Variants in HSD17B2 observed in about 807,000 individuals in gnomAD.
The protein encoded by HSD17B2 is hydroxysteroid 17-beta dehydrogenase 2.
HSD17B2 carries 32 observed loss-of-function variants against 26.9 expected under a neutral mutation model. The ratio of observed to expected loss-of-function variants is 1.19; its 90% CI spans 0.90 to 1.60. The LOEUF (loss-of-function observed/expected upper bound fraction) is 1.60, where lower values mean the gene tolerates loss of function less well. HSD17B2 is among the 40% of genes most tolerant of loss of function. The probability of loss-of-function intolerance (pLI) is 0.00; values close to 1 mark genes in which losing one functional copy is unlikely to be tolerated. For missense variants in HSD17B2, 613 were observed against 468.6 expected (o/e 1.31, Z -2.85); for synonymous variants, 246 against 186.7 (o/e 1.32, Z -2.59).
intron 3 of HSD17B2, among the ~76,000 whole-genome samples, chr16:82,078,878 TAGTGG>T (rs1313997389): frequency 6.6e-6 from 1 of 151,828 alleles, no homozygotes; most frequent in Non-Finnish European, 1.5e-5. Context: ...CTGGGAAGAG[TAGTGG>T]AGAGGACTAA....
In HSD17B2 at chr16:82,071,156, G is replaced by A. The variant is rs1222511592; in HGVS notation, c.664+29G>A. ...AGTCAGCATTTTCACACATGGTCATGGGGTGCCCATCACAAGACATGGCTC... is the reference window on the plus strand; with the variant it reads ...AGTCAGCATTTTCACACATGGTCATAGGGTGCCCATCACAAGACATGGCTC... On this transcript the variant is annotated intron_variant, in intron 3 of 4. Coordinates refer to ENST00000199936, the MANE Select transcript of HSD17B2 (RefSeq NM_002153.3). 8 of 1,603,958 alleles carry A rather than the reference G, an allele frequency of 5.0e-6. No individual in the cohort carries two copies. In the African/African-American group the frequency reaches 8.0e-5, roughly 16 times the overall value.
chr16:82,054,126 C>T (rs1363532987), intron 1 of HSD17B2, among the ~76,000 whole-genome samples: 4 of 150,696 alleles, frequency 2.7e-5, no homozygotes, highest in Non-Finnish European at 5.9e-5. Context: ...GATGAACTCT[C>T]ATCTCTCATT....
chr16:82,047,531 G>C (rs569429997), intron 1 of HSD17B2, among the ~76,000 whole-genome samples: 6 of 152,320 alleles, frequency 3.9e-5, no homozygotes, highest in African/African-American at 1.2e-4. Context: ...CAAGAAGCCA[G>C]TATATTGCAG....
chr16:82,049,527 T>G (rs1914041551), intron 1 of HSD17B2, among the ~76,000 whole-genome samples: 1 of 152,220 alleles, frequency 6.6e-6, no homozygotes, highest in Admixed American at 6.5e-5. Flanking sequence ...TATCTCCTGC[T>G]TTGAGTACAA....
Position 82,035,452 on chromosome 16 carries a change from T to A in HSD17B2, c.28T>A (p.Trp10Arg), listed in dbSNP as rs764508648. Reference sequence around the variant, plus strand: ...GAGCACTTTCTTCTCGGACACAGCATGGATCTGCCTGGCTGTCCCCACAGT... The same window carrying A: ...GAGCACTTTCTTCTCGGACACAGCAAGGATCTGCCTGGCTGTCCCCACAGT... MSTFFSDTAWICLAVPTVLC... is the reference protein window; with the variant it reads MSTFFSDTARICLAVPTVLC... Residue 10 changes from tryptophan to arginine, a missense_variant, in exon 1 of 5, where the codon TGG becomes AGG. By Grantham distance (101) the Trp-to-Arg change is moderately radical. Coordinates refer to ENST00000199936, the MANE Select transcript of HSD17B2 (RefSeq NM_002153.3). 1 of 1,613,550 alleles carries A rather than the reference T, an allele frequency of 6.2e-7. No homozygotes were observed. Among genetic ancestry groups the A allele is most frequent in the East Asian group, 2.2e-5 (1 of 44,872 alleles).
rs35003963 is a variant in HSD17B2 at position 82,088,774 on chromosome 16, TGA to T, written c.665-2124_665-2123del. On this transcript the variant is annotated intron_variant, in intron 3 of 4. Transcript: ENST00000199936. ...TCTGTGGCAAGATTAACCAGTTTAATGAGAGTCTGCTTGATGCCAGACATCGT... is the reference window on the plus strand; with the variant it reads ...TCTGTGGCAAGATTAACCAGTTTAATGAGTCTGCTTGATGCCAGACATCGT... 8.9e-3 allele frequency among the ~76,000 whole-genome samples: 1,359 copies of T among 152,326 alleles called. 20 individuals carry two copies. Among genetic ancestry groups the T allele is most frequent in the African/African-American group, 0.032 (1,314 of 41,570 alleles).
At chr16:82,096,125 T>G (rs1285267358) in intron 4 of HSD17B2, 1 of 152,174 alleles carries the variant, frequency 6.6e-6, no homozygotes, top group Non-Finnish European at 1.5e-5. Context: ...GTATTAAAAT[T>G]TATGTGTGAA....
intron 1 of HSD17B2, among the ~76,000 whole-genome samples, chr16:82,065,367 G>A (rs1914546746): frequency 6.6e-6 from 1 of 152,144 alleles, no homozygotes; most frequent in African/African-American, 2.4e-5. Context: ...GTAGAGTCAA[G>A]GTCATGGTGT....
intron 3 of HSD17B2, among the ~76,000 whole-genome samples, chr16:82,087,632 T>G (rs999351063): frequency 6.6e-6 from 1 of 152,240 alleles, no homozygotes; most frequent in African/African-American, 2.4e-5. Context: ...TATGATCTAC[T>G]GTCAACAAAC....
At chr16:82,087,769 T>C (rs1225593466) in intron 3 of HSD17B2, among the ~76,000 whole-genome samples, 1 of 151,892 alleles carries the variant, frequency 6.6e-6, no homozygotes, top group Non-Finnish European at 1.5e-5. Flanking sequence ...ATCAAAGGGG[T>C]GGCATCTTGT....
chr16:82,090,941 C>CT lies in HSD17B2; in HGVS notation c.704_705insT (p.Ala237GlyfsTer20). On this transcript the variant is annotated frameshift_variant, in exon 4 of 5. Coordinates refer to ENST00000199936, the MANE Select transcript of HSD17B2 (RefSeq NM_002153.3). LOFTEE classifies it high-confidence loss of function. Reference sequence around the variant, plus strand: ...GAAAGGCTGGCATCTTATGGCTCATCAAAGGCGGCTGTGACCATGTTCTCA... The same window carrying CT: ...GAAAGGCTGGCATCTTATGGCTCATCTAAAGGCGGCTGTGACCATGTTCTCA... 17 of 1,613,966 alleles carry CT rather than the reference C, an allele frequency of 1.1e-5. No individual in the cohort carries two copies. Among genetic ancestry groups the CT allele is most frequent in the Non-Finnish European group, 1.4e-5 (17 of 1,179,894 alleles).
At chr16:82,057,284 C>T (rs1914299173) in intron 1 of HSD17B2, among the ~76,000 whole-genome samples, 1 of 151,886 alleles carries the variant, frequency 6.6e-6, no homozygotes. Context: ...CTGCAAGCTC[C>T]GCCTCCTGGG....
At chr16:82,054,983 T>G (rs142204487) in intron 1 of HSD17B2, among the ~76,000 whole-genome samples, 2 of 152,336 alleles carry the variant, frequency 1.3e-5, no homozygotes, top group South Asian at 4.1e-4. Flanking sequence ...ATGGTTCTTT[T>G]TGGTGGGGTC....
At chr16:82,059,103 C>A (rs1305161259) in intron 1 of HSD17B2, among the ~76,000 whole-genome samples, 2 of 152,116 alleles carry the variant, frequency 1.3e-5, no homozygotes, top group African/African-American at 4.8e-5. Context: ...AATGAGTGTT[C>A]CCTTAAGGAG....
intron 1 of HSD17B2, among the ~76,000 whole-genome samples, chr16:82,039,332 AGAGAGAGAGAGAGAGAGAGG>A (rs1454116409): frequency 6.0e-5 from 3 of 50,320 alleles, no homozygotes; most frequent in Admixed American, 4.2e-4. Flanking sequence ...TTAGCAGATG[AGAGAGAGAGAGAGAGAGAGG>A]GAGAGAGAGA....
intron 1 of HSD17B2, among the ~76,000 whole-genome samples, chr16:82,039,882 C>A (rs1913723740): frequency 6.6e-6 from 1 of 152,172 alleles, no homozygotes; most frequent in Non-Finnish European, 1.5e-5. Flanking sequence ...ACATAAGAAA[C>A]CTCCAGGTTC....
intron 1 of HSD17B2, among the ~76,000 whole-genome samples, chr16:82,067,726 TC>T (rs1287451244): frequency 1.3e-5 from 2 of 152,208 alleles, no homozygotes; most frequent in Non-Finnish European, 2.9e-5. Flanking sequence ...GCCCTGTGTC[TC>T]CAAAAGGCAA....
chr16:82,067,636 C>T (rs1213216928), intron 1 of HSD17B2, among the ~76,000 whole-genome samples: 1 of 152,204 alleles, frequency 6.6e-6, no homozygotes, highest in Non-Finnish European at 1.5e-5. Context: ...GAAAAAGGCC[C>T]AGGAGGGTGA....
chr16:82,066,323 T>C (rs551172315), intron 1 of HSD17B2, among the ~76,000 whole-genome samples: 68 of 152,292 alleles, frequency 4.5e-4, no homozygotes, highest in African/African-American at 1.6e-3. Flanking sequence ...CAATCAGTGA[T>C]GGCAACCAGA....
Sources: allele counts gnomAD v4.1 joint callset (sites outside exome capture counted in the v4.1 genomes callset), GRCh38; gene constraint gnomAD v4.1.1; transcripts MANE v1.5; gene names NCBI Gene and HGNC (gene_info 2026-07-23, HGNC 2026-07-21).